SAMSN1: variants seen among roughly 807,000 people sequenced by gnomAD.
SAMSN1 encodes the protein SAM domain, SH3 domain and nuclear localization signals 1, also known as SAM domain-containing protein SAMSN-1.
SAMSN1 carries 31 observed loss-of-function variants against 42.0 expected under a neutral mutation model. The observed-to-expected ratio is 0.74, with a 90% CI of 0.55 to 1.00. The LOEUF (loss-of-function observed/expected upper bound fraction) is 1.00, where lower values mean the gene tolerates loss of function less well. SAMSN1 is among the 50% of genes least tolerant of loss of function. The pLI, the probability that SAMSN1 is intolerant of heterozygous loss-of-function variation, is 0.00. For missense variants in SAMSN1, 464 were observed against 439.4 expected (o/e 1.06, Z -0.50); for synonymous variants, 178 against 151.9 (o/e 1.17, Z -1.26).
chr21:14,521,901 A>T (rs1978512275), intron 1 of SAMSN1, among the ~76,000 whole-genome samples: 1 of 68,074 alleles, frequency 1.5e-5, no homozygotes, highest in Non-Finnish European at 4.1e-5. Context: ...AAGTTTGTTT[A>T]AAAAAAAAAA....
intron 1 of SAMSN1, among the ~76,000 whole-genome samples, chr21:14,532,248 G>C (rs924565132): frequency 3.9e-5 from 6 of 152,168 alleles, no homozygotes; most frequent in Non-Finnish European, 7.3e-5. Context: ...TGCCACCTGA[G>C]GTTGAGTGCT....
chr21:14,506,293 A>G lies in SAMSN1; in HGVS notation c.561+4017T>C, dbSNP rs190304419. ...AAATGAAACAAAAAGCTGTTTTTTG[A>G]AAAGATGAATAAAATTAATAGACCA... On this transcript the variant is annotated intron_variant, in intron 5 of 7. Transcript: ENST00000400566. 9.2e-5 allele frequency among the ~76,000 whole-genome samples: 14 copies of G among 152,274 alleles called. 1 individual carries two copies. The East Asian group carries it at 9.6e-4, about 10-fold the overall frequency.
chr21:14,512,626 G>A (rs1987737369), intron 3 of SAMSN1, 53 bp from the exon 4 acceptor site: 1 of 1,510,352 alleles, frequency 6.6e-7, no homozygotes, highest in Admixed American at 1.7e-5. Flanking sequence ...CCACAGAGAT[G>A]TACATTGAGT....
chr21:14,583,528 T>TAA (rs202144398), upstream of SAMSN1: 5 of 569,370 alleles, frequency 8.8e-6, no homozygotes, highest in African/African-American at 3.9e-5. Flanking sequence ...AACTTGGCAA[T>TAA]AAAAAAAAAT....
At chr21:14,593,698 T>C (rs1024108473) in intron 7 of SAMSN1, 3 of 209,328 alleles carry the variant, frequency 1.4e-5, no homozygotes, top group Admixed American at 5.3e-5. Context: ...AACACCTATT[T>C]CCCCCAAAAT....
chr21:14,659,149 G>C (rs17240899), upstream of SAMSN1, among the ~76,000 whole-genome samples: 1,453 of 151,940 alleles, frequency 9.6e-3, 65 homozygotes, highest in Admixed American at 0.083. Context: ...TCTTAAAAGT[G>C]GTAGGTCAAG....
intron 5 of SAMSN1, among the ~76,000 whole-genome samples, chr21:14,602,649 G>C (rs1982466479): frequency 6.6e-6 from 1 of 152,124 alleles, no homozygotes; most frequent in South Asian, 2.1e-4. Context: ...CCTGCAAATG[G>C]GAGCTTCATT....
chr21:14,583,333 T>A, exon 1 of SAMSN1: 1 of 231,446 alleles, frequency 4.3e-6, no homozygotes, highest in Non-Finnish European at 8.4e-6. Flanking sequence ...TTTGTTATGC[T>A]TACATCAAAA....
chr21:14,624,706 G>C (rs560666252), intron 2 of SAMSN1, among the ~76,000 whole-genome samples: 2 of 152,252 alleles, frequency 1.3e-5, no homozygotes, highest in South Asian at 2.1e-4. Flanking sequence ...GTAAAAGGAG[G>C]AGCTGGTACC....
At chr21:14,639,050 C>A (rs1983533468) in intron 2 of SAMSN1, among the ~76,000 whole-genome samples, 1 of 152,136 alleles carries the variant, frequency 6.6e-6, no homozygotes, top group Non-Finnish European at 1.5e-5. Context: ...CACATTTAAG[C>A]ACATTTTTTA....
At chr21:14,654,187 C>T (rs942194806) in intron 1 of SAMSN1, among the ~76,000 whole-genome samples, 1 of 151,860 alleles carries the variant, frequency 6.6e-6, no homozygotes, top group Admixed American at 6.6e-5. Flanking sequence ...AGACAGTATA[C>T]ACTTAGCATA....
chr21:14,581,152 A>G (rs1342420973), intron 2 of SAMSN1, among the ~76,000 whole-genome samples: 2 of 151,850 alleles, frequency 1.3e-5, no homozygotes, highest in African/African-American at 4.8e-5. Context: ...CGTATCACAT[A>G]ATAGCCTTAG....
intron 7 of SAMSN1, among the ~76,000 whole-genome samples, chr21:14,497,317 G>A (rs940724900): frequency 6.6e-6 from 1 of 152,164 alleles, no homozygotes; most frequent in African/African-American, 2.4e-5. Flanking sequence ...TTTTACTGCT[G>A]GGTGCGGTGG....
intron 7 of SAMSN1, among the ~76,000 whole-genome samples, chr21:14,492,069 T>C (rs1433707154): frequency 6.6e-6 from 1 of 152,214 alleles, no homozygotes; most frequent in Non-Finnish European, 1.5e-5. Flanking sequence ...TAATTATTGA[T>C]GGAAGTCCCT....
chr21:14,556,249 G>T (rs1490995980), intron 2 of SAMSN1, among the ~76,000 whole-genome samples: 2 of 152,116 alleles, frequency 1.3e-5, no homozygotes, highest in African/African-American at 4.8e-5. Context: ...ATAGGAGAGG[G>T]TAAGTGTATT....
chr21:14,628,200 G>T (rs1490378089), intron 2 of SAMSN1, among the ~76,000 whole-genome samples: 1 of 152,052 alleles, frequency 6.6e-6, no homozygotes, highest in African/African-American at 2.4e-5. Context: ...TGGATAGAAA[G>T]AATAACTTCT....
At chr21:14,653,546 CA>C (rs1983867809) in intron 1 of SAMSN1, among the ~76,000 whole-genome samples, 1 of 151,712 alleles carries the variant, frequency 6.6e-6, no homozygotes. Context: ...TTAATGGGTA[CA>C]AAGCAATAGA....
intron 3 of SAMSN1, among the ~76,000 whole-genome samples, chr21:14,515,180 A>G (rs904426086): frequency 5.3e-5 from 8 of 152,228 alleles, no homozygotes; most frequent in African/African-American, 1.9e-4. Flanking sequence ...CTGGCAACAC[A>G]GAGGTCACTA....
chr21:14,536,163 A>T (rs765640060), intron 1 of SAMSN1, among the ~76,000 whole-genome samples: 4 of 152,234 alleles, frequency 2.6e-5, no homozygotes, highest in Non-Finnish European at 5.9e-5. Flanking sequence ...GAAATGGATC[A>T]GTTTGGTAAT....
Sources: allele counts gnomAD v4.1 joint callset (sites outside exome capture counted in the v4.1 genomes callset), GRCh38; gene constraint gnomAD v4.1.1; transcripts MANE v1.5; gene names NCBI Gene and HGNC (gene_info 2026-07-23, HGNC 2026-07-21).